Variants in PRMT7 observed in about 807,000 individuals in gnomAD.
PRMT7 encodes protein arginine N-methyltransferase 7.
A neutral mutation model predicts 85.4 loss-of-function variants in PRMT7; 75 were observed. The ratio of observed to expected loss-of-function variants is 0.88; its 90% CI spans 0.73 to 1.06. PRMT7 has a LOEUF of 1.06. PRMT7 is among the 50% of genes least tolerant of loss of function. The probability of loss-of-function intolerance (pLI) is 0.00; values close to 1 mark genes in which losing one functional copy is unlikely to be tolerated. For synonymous variants in PRMT7, 397 were observed against 359.5 expected, an observed-to-expected ratio of 1.10 and a Z score of -1.18; for missense variants, 868 against 915.2, an observed-to-expected ratio of 0.95 and a Z score of 0.67.
At chr16:68,315,123 A>G (rs1181691057) in intron 2 of PRMT7, 1 of 151,874 alleles carries the variant, frequency 6.6e-6, no homozygotes, top group Non-Finnish European at 1.5e-5. Flanking sequence ...AAAAAAAAAA[A>G]AAAAGAAAAA....
chr16:68,331,352 G>A (rs2151600109), intron 6 of PRMT7, among the ~76,000 whole-genome samples: 1 of 152,084 alleles, frequency 6.6e-6, no homozygotes, highest in Non-Finnish European at 1.5e-5. Flanking sequence ...CTCTCTACCT[G>A]TTGATGGACA....
intron 15 of PRMT7, 65 bp from the exon 16 acceptor site, chr16:68,353,427 T>C: frequency 6.2e-6 from 10 of 1,604,406 alleles, no homozygotes; most frequent in Non-Finnish European, 8.5e-6. Context: ...TGCCTCTTGT[T>C]CTTGCTGCCA....
Position 68,345,655 on chromosome 16 carries a change from G to A in PRMT7, c.928-20G>A, listed in dbSNP as rs2151820220. 6.2e-7 allele frequency: 1 copy of A among 1,612,894 alleles called. No homozygotes were observed. Among genetic ancestry groups the A allele is most frequent in the Non-Finnish European group, 8.5e-7 (1 of 1,179,918 alleles). On this transcript the variant is annotated intron_variant, in intron 9 of 18. Coordinates refer to ENST00000441236, the MANE Select transcript of PRMT7 (RefSeq NM_019023.5). ...CTCATACTGCAGCTCGTTGACAGCTGACTCTGTTCTCCGTTTCAGTGGCGG... is the reference window on the plus strand; with the variant it reads ...CTCATACTGCAGCTCGTTGACAGCTAACTCTGTTCTCCGTTTCAGTGGCGG...
chr16:68,325,648 G>A (rs1166351087), intron 5 of PRMT7, among the ~76,000 whole-genome samples: 3 of 152,010 alleles, frequency 2.0e-5, no homozygotes, highest in South Asian at 2.1e-4. Context: ...AAAATTAGCC[G>A]GGTGTGGTGA....
At chr16:68,344,679 A>G (rs964152450) in intron 9 of PRMT7, among the ~76,000 whole-genome samples, 36 of 152,274 alleles carry the variant, frequency 2.4e-4, no homozygotes, top group African/African-American at 7.7e-4. Flanking sequence ...ACAGCTTATT[A>G]AAAATTGACC....
chr16:68,345,196 G>A (rs930945723), intron 9 of PRMT7, among the ~76,000 whole-genome samples: 1 of 152,124 alleles, frequency 6.6e-6, no homozygotes, highest in South Asian at 2.1e-4. Flanking sequence ...CTCAGTCTAC[G>A]ATCCAGTTAG....
At chr16:68,335,412 G>C (rs1201451497) in intron 6 of PRMT7, among the ~76,000 whole-genome samples, 1 of 152,066 alleles carries the variant, frequency 6.6e-6, no homozygotes, top group Non-Finnish European at 1.5e-5. Flanking sequence ...GTGTTAGCTG[G>C]GGTGGGTGGG....
At chr16:68,326,484 G>A (rs758768890) in intron 5 of PRMT7, among the ~76,000 whole-genome samples, 7 of 152,160 alleles carry the variant, frequency 4.6e-5, no homozygotes, top group Non-Finnish European at 8.8e-5. Context: ...GATCTCAGGG[G>A]ATCCCCCCAC....
chr16:68,319,751 C>T (rs1223451679), intron 3 of PRMT7, among the ~76,000 whole-genome samples: 1 of 34,264 alleles, frequency 2.9e-5, no homozygotes, highest in Non-Finnish European at 5.6e-5. Flanking sequence ...TTCTGGGACT[C>T]TGCATTTCAG....
In PRMT7 at chr16:68,352,242, C is replaced by A. The variant is rs1175553426; in HGVS notation, c.1414-6C>A. On this transcript the variant is annotated splice_polypyrimidine_tract_variant and splice_region_variant and intron_variant, in intron 14 of 18. Transcript: ENST00000441236. The stretch of plus-strand genomic sequence containing the variant: ...ACCTGGGCCCTGCTTCTCGCCCATT[C>A]ACCAGGTCTCTCTCCTCCTGGGCGA... 6.2e-7 allele frequency: 1 copy of A among 1,612,628 alleles called. No individual in the cohort carries two copies. The highest frequency in any genetic ancestry group is 1.7e-5 in the Admixed American group (1 of 59,990).
intron 6 of PRMT7, among the ~76,000 whole-genome samples, chr16:68,331,664 G>A (rs2083928564): frequency 1.3e-5 from 2 of 151,646 alleles, no homozygotes; most frequent in South Asian, 2.1e-4. Context: ...TGTAGAGATG[G>A]GATCTCAGTT....
intron 15 of PRMT7, 132 bp from the exon 16 acceptor site, chr16:68,353,360 C>T (rs2087704814): frequency 2.0e-6 from 3 of 1,515,460 alleles, no homozygotes; most frequent in South Asian, 2.5e-5. Flanking sequence ...TCTTTGTTCT[C>T]TCTGAGCCCC....
intron 3 of PRMT7, among the ~76,000 whole-genome samples, chr16:68,316,291 T>C (rs1261900686): frequency 1.3e-5 from 2 of 152,188 alleles, no homozygotes; most frequent in African/African-American, 4.8e-5. Flanking sequence ...GTAGCAGCCT[T>C]AGCAGAGCCT....
chr16:68,313,438 C>T (rs1321792980), intron 2 of PRMT7, among the ~76,000 whole-genome samples: 1 of 152,174 alleles, frequency 6.6e-6, no homozygotes, highest in South Asian at 2.1e-4. Flanking sequence ...ATATGTTTGA[C>T]ACCTGGTCCA....
rs2084014386 is a variant in PRMT7, at chr16:68,332,299, T to A, written c.391+3125T>A. Reference sequence around the variant, plus strand: ...GTGTCCCTGGCCTCTTCCCAGTGGATGTCAGTAGCACTCCCCTCCTCCCAC... The same window carrying A: ...GTGTCCCTGGCCTCTTCCCAGTGGAAGTCAGTAGCACTCCCCTCCTCCCAC... On this transcript the variant is annotated intron_variant, in intron 6 of 18. Transcript: ENST00000441236. 2.0e-5 allele frequency among the ~76,000 whole-genome samples: 3 copies of A among 152,234 alleles called. No homozygotes were observed. The South Asian group carries it at 6.2e-4, about 32-fold the overall frequency.
At chr16:68,337,390 C>T (rs2084862358) in intron 6 of PRMT7, 69 bp from the exon 7 acceptor site, 3 of 1,088,612 alleles carry the variant, frequency 2.8e-6, no homozygotes, top group East Asian at 2.4e-5. Flanking sequence ...CTTATCTTTC[C>T]CATATTTGCT....
At position 68,355,994 on chromosome 16, in the gene PRMT7, A is replaced by G. The variant is rs2088367514; in HGVS notation, c.1811+111A>G. ...GGAGACGCTGACACGTGGAGGGGGT[A>G]TTCGTCCTCCCCACAACCTTGCCCT... On this transcript the variant is annotated intron_variant, in intron 17 of 18. Transcript: ENST00000441236. 1.6e-5 allele frequency: 19 copies of G among 1,198,710 alleles called. No individual in the cohort carries two copies. The South Asian group carries it at 3.1e-4, about 20-fold the overall frequency. The allele number at this position is 1,198,710 out of a possible 1,614,324, so 74.3% of individuals were successfully genotyped here.
rs549674637 is a variant in PRMT7 at position 68,333,593 on chromosome 16, G to T, written c.392-3866G>T. ...CTGCCTCAGCCTCCCAAAGTGCTGG[G>T]ATCACAGATGGGAGCCACTGTACCT... On this transcript the variant is annotated intron_variant, in intron 6 of 18. Transcript: ENST00000441236. 3.3e-5 allele frequency among the ~76,000 whole-genome samples: 5 copies of T among 152,182 alleles called. No individual in the cohort carries two copies. In the South Asian group the frequency reaches 8.3e-4, roughly 25 times the overall value.
chr16:68,345,938 C>T (rs1439558804), intron 10 of PRMT7, 136 bp downstream of exon 10: 3 of 1,378,864 alleles, frequency 2.2e-6, no homozygotes, highest in East Asian at 2.4e-5. Context: ...GATTTGTGAC[C>T]AGTGTGTCAG....
Sources: allele counts gnomAD v4.1 joint callset (sites outside exome capture counted in the v4.1 genomes callset), GRCh38; gene constraint gnomAD v4.1.1; transcripts MANE v1.5; gene names NCBI Gene and HGNC (gene_info 2026-07-23, HGNC 2026-07-21).